The following ABCG1 variants were observed in gnomAD, a reference collection of about 807,000 sequenced individuals.
ABCG1 encodes ATP-binding cassette sub-family G member 1.
ABCG1 carries 29 observed loss-of-function variants against 69.2 expected under a neutral mutation model. That is an observed-to-expected ratio of 0.42 (90% confidence interval 0.31 to 0.57). The LOEUF (loss-of-function observed/expected upper bound fraction) is 0.57. ABCG1 is among the 20% of genes least tolerant of loss of function. ABCG1 has a pLI of 0.15. For missense variants in ABCG1, 718 were observed against 898.1 expected (o/e 0.80, Z 2.56); for synonymous variants, 370 against 374.8 (o/e 0.99, Z 0.15).
intron 2 of ABCG1, among the ~76,000 whole-genome samples, chr21:42,210,700 A>G (rs1176183304): frequency 6.6e-6 from 1 of 151,764 alleles, no homozygotes; most frequent in African/African-American, 2.4e-5. Context: ...CATAGCTTCC[A>G]GGCATCTGCC....
rs370247318 is a variant in ABCG1, at chr21:42,273,232, C to G, written c.405-71C>G. ...AGGCAAGCCCCCGTCTCTGGCTCCC[C>G]TCTCCTGCCCCGGGAGGTGGAGGAG... On this transcript the variant is annotated intron_variant, in intron 3 of 14. Transcript: ENST00000398449. The surrounding 1 kb of genome is among the most constrained non-coding windows in gnomAD (Gnocchi z 5.3). 1.3e-6 allele frequency: 2 copies of G among 1,544,564 alleles called. No homozygotes were observed. Among genetic ancestry groups the G allele is most frequent in the Non-Finnish European group, 1.7e-6 (2 of 1,146,496 alleles).
intron 4 of ABCG1, among the ~76,000 whole-genome samples, chr21:42,275,535 C>T (rs537787630): frequency 6.6e-6 from 1 of 152,336 alleles, no homozygotes; most frequent in South Asian, 2.1e-4. Flanking sequence ...GCTCCTGCGT[C>T]TTGGGTAGCC....
At chr21:42,245,593 G>T (rs1320179515) in intron 2 of ABCG1, among the ~76,000 whole-genome samples, 1 of 152,214 alleles carries the variant, frequency 6.6e-6, no homozygotes, top group African/African-American at 2.4e-5. Flanking sequence ...AGGAGAGACA[G>T]GACTGAGCTG....
chr21:42,201,741 A>T (rs770024464), intron 2 of ABCG1: 3 of 1,613,816 alleles, frequency 1.9e-6, no homozygotes, highest in Non-Finnish European at 2.5e-6. Context: ...CAGAAGAGAC[A>T]GGGAAGGATT....
upstream of ABCG1, among the ~76,000 whole-genome samples, chr21:42,216,539 T>C (rs1427953911): frequency 6.6e-6 from 1 of 152,126 alleles, no homozygotes; most frequent in Non-Finnish European, 1.5e-5. Context: ...GATGCAGTGG[T>C]TGCTGCCAGG....
At chr21:42,215,387 C>G (rs2067628987), upstream of ABCG1, among the ~76,000 whole-genome samples, 1 of 152,230 alleles carries the variant, frequency 6.6e-6, no homozygotes, top group Non-Finnish European at 1.5e-5. Flanking sequence ...AGAAATAAAT[C>G]AGACACTTCT....
intron 5 of ABCG1, among the ~76,000 whole-genome samples, chr21:42,277,255 A>G (rs1010715831): frequency 6.6e-6 from 1 of 152,204 alleles, no homozygotes; most frequent in Admixed American, 6.5e-5. Flanking sequence ...TTAGACCAAG[A>G]GTGCTGCCCT....
intron 2 of ABCG1, among the ~76,000 whole-genome samples, chr21:42,244,181 G>A (rs963639846): frequency 2.6e-5 from 4 of 152,180 alleles, no homozygotes; most frequent in Non-Finnish European, 5.9e-5. Flanking sequence ...CACTGTAAGT[G>A]ATAAAATTAT....
At chr21:42,201,676 A>G (rs1325669807) in exon 2 of ABCG1, 1 of 1,612,118 alleles carries the variant, frequency 6.2e-7, no homozygotes, top group African/African-American at 1.3e-5. Flanking sequence ...GCTGTTCTTG[A>G]TGCTGGGAAC....
chr21:42,228,043 C>T (rs1291476851), intron 2 of ABCG1, among the ~76,000 whole-genome samples: 1 of 152,212 alleles, frequency 6.6e-6, no homozygotes, highest in Admixed American at 6.5e-5. Context: ...CCACATCACC[C>T]AGTATGTGAC....
intron 2 of ABCG1, among the ~76,000 whole-genome samples, chr21:42,230,395 T>C (rs1330258504): frequency 1.3e-5 from 2 of 152,230 alleles, no homozygotes; most frequent in Non-Finnish European, 2.9e-5. Context: ...TAGCTTGTGT[T>C]GATGGGACAA....
intron 1 of ABCG1, chr21:42,201,571 C>T (rs549155159): frequency 2.6e-6 from 4 of 1,520,738 alleles, no homozygotes; most frequent in African/African-American, 2.8e-5. Flanking sequence ...TTCCACTCCA[C>T]CACAGCGCTA....
rs2069046914 is a variant in ABCG1, at chr21:42,291,004, C to T, written c.1394-88C>T. On this transcript the variant is annotated intron_variant, in intron 11 of 14. Coordinates refer to ENST00000398449, the MANE Select transcript of ABCG1 (RefSeq NM_016818.3). This position sits in a 1 kb window ranked among gnomAD's most constrained non-coding sequence, Gnocchi z 6.4. ...CCTAGGCCAGAGCTGGGTTACCAGCCGCTCAGCTCAAGATCGCCTGTTGGG... is the reference window on the plus strand; with the variant it reads ...CCTAGGCCAGAGCTGGGTTACCAGCTGCTCAGCTCAAGATCGCCTGTTGGG... The T allele has an allele frequency of 1.7e-5, 16 of 960,408 alleles. No individual in the cohort carries two copies. The highest frequency in any genetic ancestry group is 9.9e-5 in the East Asian group (4 of 40,248). 59.5% of individuals were successfully genotyped at this position (960,408 alleles called of 1,614,324 possible).
upstream of ABCG1, among the ~76,000 whole-genome samples, chr21:42,212,983 G>A (rs868616420): frequency 9.2e-5 from 14 of 152,174 alleles, no homozygotes; most frequent in Non-Finnish European, 1.8e-4. Context: ...ATGAGCCACC[G>A]CACCTGGCCT....
At chr21:42,226,308 C>G (rs1601354505) in intron 2 of ABCG1, among the ~76,000 whole-genome samples, 1 of 152,180 alleles carries the variant, frequency 6.6e-6, no homozygotes, top group Non-Finnish European at 1.5e-5. Flanking sequence ...AGGTGCCCCC[C>G]TCCCAAGCGT....
intron 2 of ABCG1, chr21:42,259,605 T>A: frequency 6.9e-7 from 1 of 1,445,934 alleles, no homozygotes; most frequent in Non-Finnish European, 9.1e-7. Context: ...GCCATTACCT[T>A]GTTTCCTAAC....
chr21:42,274,560 C>T lies in ABCG1; in HGVS notation c.537+1125C>T, dbSNP rs189464427. On this transcript the variant is annotated intron_variant, in intron 4 of 14. Transcript: ENST00000398449. ...CACGATCTCAGCTCACTGCAACCTC[C>T]GCCTCCCAGGTTCAAGCGATTCTTC... 3.4e-3 allele frequency among the ~76,000 whole-genome samples: 510 copies of T among 151,034 alleles called. 1 individual carries two copies. The highest frequency in any genetic ancestry group is 0.012 in the African/African-American group (495 of 40,938).
chr21:42,210,120 C>T (rs1038919412), intron 2 of ABCG1, among the ~76,000 whole-genome samples: 6 of 152,188 alleles, frequency 3.9e-5, no homozygotes, highest in Non-Finnish European at 8.8e-5. Flanking sequence ...ACTCTCCTTA[C>T]ATCAATGCCA....
At position 42,276,855 on chromosome 21, in the gene ABCG1, G is replaced by T. The variant is rs369825449; in HGVS notation, c.538-40G>T. 2.5e-6 allele frequency: 4 copies of T among 1,610,630 alleles called. No homozygotes were observed. In the African/African-American group the frequency reaches 5.3e-5, roughly 22 times the overall value. On this transcript the variant is annotated intron_variant, in intron 4 of 14. Coordinates refer to ENST00000398449, the MANE Select transcript of ABCG1 (RefSeq NM_016818.3). This position sits in a 1 kb window ranked among gnomAD's most constrained non-coding sequence, Gnocchi z 5.3. ...CATGAGGCTCACACTGCCAGTGGCC[G>T]TCTGTTCTGCTTCCACACTGTTGTC...
Sources: gnomAD v4.1 joint callset for allele counts (sites outside exome capture counted in the v4.1 genomes callset) on GRCh38, gnomAD v4.1.1 for gene constraint, Gnocchi (gnomAD v3.1) non-coding constraint, MANE v1.5 for transcripts, NCBI Gene and HGNC (gene_info 2026-07-23, HGNC 2026-07-21) for gene names.